The following CFAP299 variants were observed in gnomAD, a reference collection of about 807,000 sequenced individuals.
The protein encoded by CFAP299 is cilia and flagella associated protein 299, also known as cilia- and flagella-associated protein 299.
A neutral mutation model predicts 27.0 loss-of-function variants in CFAP299; 21 were observed. That is an observed-to-expected ratio of 0.78 (90% CI 0.55 to 1.12). The LOEUF (loss-of-function observed/expected upper bound fraction) is 1.12. CFAP299 is among the 50% of genes most tolerant of loss of function. CFAP299 has a pLI of 0.00. For missense variants in CFAP299, 310 were observed against 276.6 expected (o/e 1.12, Z -0.86); for synonymous variants, 104 against 98.1 (o/e 1.06, Z -0.36).
chr4:80,374,718 T>C (rs1281353404), intron 2 of CFAP299, among the ~76,000 whole-genome samples: 1 of 152,124 alleles, frequency 6.6e-6, no homozygotes, highest in Non-Finnish European at 1.5e-5. Context: ...TTGATCTTCA[T>C]CTTATTCTGC....
chr4:80,441,129 C>G (rs1728337186), intron 2 of CFAP299, among the ~76,000 whole-genome samples: 1 of 152,286 alleles, frequency 6.6e-6, no homozygotes, highest in South Asian at 2.1e-4. Context: ...TTGGAAAACA[C>G]TTCAGGATAT....
chr4:80,960,097 G>A (rs1738270790), intron 5 of CFAP299, among the ~76,000 whole-genome samples: 1 of 149,736 alleles, frequency 6.7e-6, no homozygotes, highest in Non-Finnish European at 1.5e-5. Context: ...TATCTAGGCA[G>A]ATTACATAGG....
At chr4:80,548,130 G>A (rs1371164904) in intron 2 of CFAP299, among the ~76,000 whole-genome samples, 1 of 152,126 alleles carries the variant, frequency 6.6e-6, no homozygotes, top group Non-Finnish European at 1.5e-5. Flanking sequence ...CAACCAAGAC[G>A]CCTATCAATG....
intron 2 of CFAP299, among the ~76,000 whole-genome samples, chr4:80,399,399 T>C (rs1222631506): frequency 6.6e-6 from 1 of 152,152 alleles, no homozygotes; most frequent in Non-Finnish European, 1.5e-5. Context: ...CACATATGTT[T>C]ATTGCAGCAC....
intron 2 of CFAP299, among the ~76,000 whole-genome samples, chr4:80,430,370 C>G (rs949235224): frequency 3.3e-5 from 5 of 152,220 alleles, no homozygotes; most frequent in Non-Finnish European, 7.3e-5. Flanking sequence ...CCTTGCAATA[C>G]TTTCTTCACT....
intron 4 of CFAP299, among the ~76,000 whole-genome samples, chr4:80,929,713 A>T (rs967546258): frequency 2.6e-5 from 4 of 152,084 alleles, no homozygotes; most frequent in Middle Eastern, 6.8e-3. Context: ...TTCATCACCC[A>T]TTGCCAGGAT....
chr4:80,628,380 C>T (rs940550669), intron 3 of CFAP299, among the ~76,000 whole-genome samples: 1 of 152,044 alleles, frequency 6.6e-6, no homozygotes, highest in Non-Finnish European at 1.5e-5. Flanking sequence ...TATGAAACTA[C>T]TAGAATAAAA....
intron 2 of CFAP299, among the ~76,000 whole-genome samples, chr4:80,537,579 A>G (rs1204349253): frequency 1.3e-5 from 2 of 152,184 alleles, no homozygotes; most frequent in Non-Finnish European, 2.9e-5. Flanking sequence ...GAAATAAGCC[A>G]GACACAGAAA....
chr4:80,768,871 A>G (rs911753666), intron 3 of CFAP299, among the ~76,000 whole-genome samples: 1 of 152,220 alleles, frequency 6.6e-6, no homozygotes, highest in Admixed American at 6.5e-5. Context: ...AAGCCACCAG[A>G]TACAAGGTAG....
chr4:80,687,892 A>G (rs531555157), intron 3 of CFAP299, among the ~76,000 whole-genome samples: 1 of 152,350 alleles, frequency 6.6e-6, no homozygotes, highest in East Asian at 1.9e-4. Context: ...CAGGGGGGTC[A>G]GGGAGTTCCC....
chr4:80,922,988 G>T (rs565968248), intron 4 of CFAP299, among the ~76,000 whole-genome samples: 2 of 151,924 alleles, frequency 1.3e-5, no homozygotes, highest in East Asian at 1.9e-4. Context: ...GCAAAATTGT[G>T]TTCACTGTAG....
chr4:80,819,975 G>A (rs1260828599), intron 3 of CFAP299, among the ~76,000 whole-genome samples: 1 of 152,072 alleles, frequency 6.6e-6, no homozygotes, highest in African/African-American at 2.4e-5. Context: ...TGTTGTTGTT[G>A]TTGTTGTTTT....
chr4:80,822,787 G>T (rs1194200513), intron 3 of CFAP299, among the ~76,000 whole-genome samples: 1 of 152,188 alleles, frequency 6.6e-6, no homozygotes, highest in South Asian at 2.1e-4. Flanking sequence ...AAATTGTGCA[G>T]CCTGATTTAT....
At chr4:80,613,909 ACT>A (rs145781061) in intron 3 of CFAP299, among the ~76,000 whole-genome samples, 24 of 152,294 alleles carry the variant, frequency 1.6e-4, no homozygotes, top group African/African-American at 5.8e-4. Flanking sequence ...TCAGTTTATA[ACT>A]CTGATAACTC....
At chr4:80,783,486 T>G (rs528025286) in intron 3 of CFAP299, among the ~76,000 whole-genome samples, 1 of 152,308 alleles carries the variant, frequency 6.6e-6, no homozygotes, top group East Asian at 1.9e-4. Context: ...TATTACATAA[T>G]TATAATGTAT....
intron 3 of CFAP299, among the ~76,000 whole-genome samples, chr4:80,796,357 G>T (rs1042664799): frequency 2.7e-4 from 41 of 152,120 alleles, no homozygotes; most frequent in African/African-American, 9.9e-4. Context: ...ACATGTGTTT[G>T]TTACTTCTTG....
chr4:80,851,357 T>C (rs1339406273), intron 3 of CFAP299, among the ~76,000 whole-genome samples: 1 of 152,176 alleles, frequency 6.6e-6, no homozygotes, highest in African/African-American at 2.4e-5. Context: ...CCATCAACAT[T>C]TTCCTGTGGT....
intron 4 of CFAP299, among the ~76,000 whole-genome samples, chr4:80,938,351 A>C (rs779162052): frequency 3.9e-5 from 6 of 152,322 alleles, no homozygotes; most frequent in Non-Finnish European, 8.8e-5. Flanking sequence ...TGGCCCACCC[A>C]GGGCGGAAAA....
At chr4:80,715,520 G>A (rs1313610990) in intron 3 of CFAP299, among the ~76,000 whole-genome samples, 2 of 151,824 alleles carry the variant, frequency 1.3e-5, no homozygotes, top group Non-Finnish European at 2.9e-5. Context: ...TTTCCTGAGG[G>A]TTGTCATAAA....
Sources: allele counts gnomAD v4.1 joint callset (sites outside exome capture counted in the v4.1 genomes callset), GRCh38; gene constraint gnomAD v4.1.1; transcripts MANE v1.5; gene names NCBI Gene and HGNC (gene_info 2026-07-23, HGNC 2026-07-21).